Variants in PLD3 observed in about 807,000 individuals in gnomAD.
The protein encoded by PLD3 is 5'-3' exonuclease PLD3.
PLD3 carries 31 observed loss-of-function variants against 58.4 expected under a neutral mutation model. That is an observed-to-expected ratio of 0.53 (90% CI 0.40 to 0.72). PLD3 has a LOEUF of 0.72. PLD3 is among the 30% of genes least tolerant of loss of function. PLD3 has a pLI of 0.00. For synonymous variants in PLD3, 264 were observed against 273.4 expected, an observed-to-expected ratio of 0.97 and a Z score of 0.34; for missense variants, 595 against 659.8, an observed-to-expected ratio of 0.90 and a Z score of 1.08.
chr19:40,366,999 C>G, intron 5 of PLD3, 84 bp downstream of exon 5: 2 of 1,426,712 alleles, frequency 1.4e-6, no homozygotes, highest in East Asian at 4.7e-5. Flanking sequence ...GGCCTGCACT[C>G]AGCCCTACCC....
chr19:40,366,837 A>T lies in PLD3; in HGVS notation c.167A>T (p.Gln56Leu). The change falls in exon 5 of 13, where the codon CAG becomes CTG. Residue 56 changes from glutamine to leucine, a missense_variant. Physicochemically the swap from Gln to Leu is moderately radical, Grantham distance 113 (BLOSUM62 -2). Transcript: ENST00000409735. ...AVVGFGALMT[Q>L]LFLWEYGDLH... The stretch of plus-strand genomic sequence containing the variant: ...GTGGGCTTCGGAGCCCTGATGACTC[A>T]GCTGTTTCTATGGGAATACGGCGAC... 1 of 1,613,950 alleles carries T rather than the reference A, an allele frequency of 6.2e-7. No homozygotes were observed.
At position 40,377,804 on chromosome 19, in the gene PLD3, G is replaced by C. The variant is rs202089498; in HGVS notation, c.1204G>C (p.Ala402Pro). ...CACTCAGAAACTCTTTGTGGTCCCC[G>C]CGGATGAGGCCCAGGCTCGAATCCC... ...DIQVKLFVVP[A>P]DEAQARIPYA... Residue 402 changes from alanine (A) to proline (P), a missense_variant, in exon 12 of 13, where the codon GCG (alanine) becomes CCG (proline). Ala to Pro is a conservative substitution (Grantham distance 27, BLOSUM62 -1). Transcript: ENST00000409735. The C allele has an allele frequency of 2.5e-6, 4 of 1,613,400 alleles. No individual in the cohort carries two copies. The Admixed American group carries it at 5.0e-5, about 20-fold the overall frequency.
intron 1 of PLD3, among the ~76,000 whole-genome samples, chr19:40,364,024 T>C (rs1227441280): frequency 1.3e-5 from 2 of 152,186 alleles, no homozygotes; most frequent in African/African-American, 4.8e-5. Context: ...AGATATTTTC[T>C]ATACTTCTCT....
chr19:40,363,193 A>C (rs540399104), intron 1 of PLD3, among the ~76,000 whole-genome samples: 4 of 152,140 alleles, frequency 2.6e-5, no homozygotes, highest in Admixed American at 6.6e-5. Flanking sequence ...TGGCTTCCCT[A>C]ATTTCACATT....
chr19:40,367,055 C>T lies in PLD3; in HGVS notation c.245+140C>T, dbSNP rs148822858. On this transcript the variant is annotated intron_variant, in intron 5 of 12. Transcript: ENST00000409735. ...AGGTTGCAGGCTCCCAAGTGCTCGC[C>T]CGCCCCCTCCTCCTCCACACACATA... 8.8e-3 allele frequency: 7,362 copies of T among 839,640 alleles called. 55 individuals are homozygous for T. Among genetic ancestry groups the T allele is most frequent in the Middle Eastern group, 0.044 (139 of 3,126 alleles). 52.0% of individuals were successfully genotyped at this position (839,640 alleles called of 1,614,324 possible).
chr19:40,368,730 C>CA (rs2078989468), intron 6 of PLD3, among the ~76,000 whole-genome samples: 2 of 151,878 alleles, frequency 1.3e-5, no homozygotes, highest in South Asian at 4.2e-4. Flanking sequence ...TAGTGAGACC[C>CA]GCCCCCCACC....
chr19:40,352,355 G>A (rs891975200), intron 1 of PLD3, among the ~76,000 whole-genome samples: 2 of 152,142 alleles, frequency 1.3e-5, no homozygotes, highest in Non-Finnish European at 2.9e-5. Flanking sequence ...GCGCCACCAC[G>A]GGGTTCAGCT....
chr19:40,375,822 G>A (rs951778542), intron 10 of PLD3, among the ~76,000 whole-genome samples: 5 of 152,126 alleles, frequency 3.3e-5, no homozygotes, highest in African/African-American at 7.2e-5. Context: ...ACTTTGGGAG[G>A]CCGAGGCGGA....
Position 40,369,991 on chromosome 19 carries a change from C to T in PLD3, c.513C>T (p.Pro171=), listed in dbSNP as rs758727867. ...TCGCTGTGAGCAAGCCCAGCGGGCC[C>T]CAGCCACAGGCGGACCTGCAGGCTC... ...VRIAVSKPSG[P]QPQADLQALL... is the part of the protein sequence containing the mutation. Residue 171 remains proline (P), a synonymous_variant, in exon 7 of 13, where the codon CCC becomes CCT. Transcript: ENST00000409735. 13 of 1,560,556 alleles carry T rather than the reference C, an allele frequency of 8.3e-6. No homozygotes were observed. The highest frequency in any genetic ancestry group is 2.4e-5 in the East Asian group (1 of 41,678).
chr19:40,367,069 TC>T, intron 5 of PLD3, 154 bp downstream of exon 5: 1 of 715,780 alleles, frequency 1.4e-6, no homozygotes, highest in Non-Finnish European at 2.2e-6. Context: ...CCCCTCCTCC[TC>T]CACACACATA....
Position 40,369,964 on chromosome 19 carries a change from C to T in PLD3, c.486C>T (p.Arg162=), listed in dbSNP as rs2079025495. ...QTLAPKGVNV[R]IAVSKPSGPQ... is the part of the protein sequence containing the mutation. ...TGGCACCAAAGGGCGTGAACGTCCG[C>T]ATCGCTGTGAGCAAGCCCAGCGGGC... Residue 162 remains arginine, a synonymous_variant, in exon 7 of 13, where the codon CGC becomes CGT. Transcript: ENST00000409735. The T allele has an allele frequency of 1.9e-6, 3 of 1,561,812 alleles. No individual in the cohort carries two copies. The highest frequency in any genetic ancestry group is 1.2e-5 in the South Asian group (1 of 85,144).
chr19:40,378,430 A>C lies in PLD3; in HGVS notation c.*257A>C, dbSNP rs1049718. The C allele has an allele frequency of 3.4e-6, 2 of 590,868 alleles. No individual in the cohort carries two copies. Among genetic ancestry groups the C allele is most frequent in the Non-Finnish European group, 6.1e-6 (2 of 329,502 alleles). The allele number at this position is 590,868 out of a possible 1,614,324, so 36.6% of individuals were successfully genotyped here. On this transcript the variant is annotated 3_prime_UTR_variant, in exon 13 of 13. Transcript: ENST00000409735. ...GGGCCTGGCCCCCTGGCCCACCCCCACTTTCCAGGGCAAAAAGGGCCCAGG... is the reference window on the plus strand; with the variant it reads ...GGGCCTGGCCCCCTGGCCCACCCCCCCTTTCCAGGGCAAAAAGGGCCCAGG...
intron 10 of PLD3, 67 bp downstream of exon 10, chr19:40,374,687 G>T: frequency 1.3e-6 from 2 of 1,581,118 alleles, no homozygotes; most frequent in South Asian, 2.2e-5. Context: ...GAATCATGGA[G>T]ACCAGAAAGC....
At chr19:40,350,636 CG>C (rs1259394931) in intron 1 of PLD3, among the ~76,000 whole-genome samples, 1 of 151,206 alleles carries the variant, frequency 6.6e-6, no homozygotes, top group Non-Finnish European at 1.5e-5. Flanking sequence ...CTGAGCAACT[CG>C]GGAGGCTGAG....
chr19:40,354,364 G>T (rs747755082), intron 1 of PLD3, among the ~76,000 whole-genome samples: 71 of 151,442 alleles, frequency 4.7e-4, no homozygotes, highest in Non-Finnish European at 5.9e-5. Flanking sequence ...GAGCCACCAC[G>T]CCTGGCCTAG....
intron 1 of PLD3, chr19:40,360,550 C>T (rs992318318): frequency 6.1e-5 from 9 of 148,528 alleles, no homozygotes; most frequent in Admixed American, 5.4e-4. Context: ...CACTGCACTC[C>T]AGCCTGGATA....
intron 9 of PLD3, among the ~76,000 whole-genome samples, chr19:40,373,907 T>C (rs1459190057): frequency 6.7e-6 from 1 of 149,286 alleles, no homozygotes; most frequent in Non-Finnish European, 1.5e-5. Context: ...GAGAATCGCT[T>C]GAACCCAAGA....
chr19:40,371,604 C>T (rs761461178), intron 8 of PLD3, 69 bp from the exon 9 acceptor site: 79 of 1,042,000 alleles, frequency 7.6e-5, no homozygotes, highest in Non-Finnish European at 1.0e-4. Flanking sequence ...AGAGACCAGA[C>T]TGGGGAGTGT....
intron 1 of PLD3, among the ~76,000 whole-genome samples, chr19:40,349,595 C>A (rs1362601076): frequency 6.6e-6 from 1 of 152,106 alleles, no homozygotes; most frequent in African/African-American, 2.4e-5. Context: ...CTGAGTGTGA[C>A]GATTCTGTGA....
Sources: allele counts gnomAD v4.1 joint callset (sites outside exome capture counted in the v4.1 genomes callset), GRCh38; gene constraint gnomAD v4.1.1; transcripts MANE v1.5; gene names NCBI Gene and HGNC (gene_info 2026-07-23, HGNC 2026-07-21).